EFCAB11: variants seen among roughly 807,000 people sequenced by gnomAD.
The protein encoded by EFCAB11 is EF-hand calcium binding domain 11.
Under a neutral mutation model 23.0 loss-of-function variants are expected in EFCAB11, and 14 were observed. That is an observed-to-expected ratio of 0.61 (90% CI 0.40 to 0.95). The LOEUF is 0.95. Among genes scored for constraint, EFCAB11 ranks in the 40% least tolerant of loss-of-function variants. EFCAB11 has a pLI of 0.00. For synonymous variants in EFCAB11, 65 were observed against 66.6 expected (o/e 0.98, Z 0.11); for missense variants, 198 against 195.8 (o/e 1.01, Z -0.07).
At chr14:89,799,885 C>T (rs1006412282) in intron 5 of EFCAB11, among the ~76,000 whole-genome samples, 3 of 152,048 alleles carry the variant, frequency 2.0e-5, no homozygotes, top group Non-Finnish European at 4.4e-5. Flanking sequence ...ATTGTTTTAC[C>T]GAGTCTAAAA....
intron 5 of EFCAB11, among the ~76,000 whole-genome samples, chr14:89,798,502 T>C (rs1885651882): frequency 6.6e-6 from 1 of 152,258 alleles, no homozygotes; most frequent in Non-Finnish European, 1.5e-5. Flanking sequence ...TTTTATTAAA[T>C]TAGATAATTG....
chr14:89,827,585 T>A (rs1048755095), intron 5 of EFCAB11, among the ~76,000 whole-genome samples: 1 of 151,422 alleles, frequency 6.6e-6, no homozygotes, highest in African/African-American at 2.4e-5. Context: ...CAACATGCAC[T>A]GCTTTTTCCA....
At chr14:89,925,095 G>A (rs543272987) in intron 5 of EFCAB11, among the ~76,000 whole-genome samples, 65 of 152,234 alleles carry the variant, frequency 4.3e-4, no homozygotes, top group Non-Finnish European at 8.4e-4. Flanking sequence ...TGCAGAGAAA[G>A]AAAGGCTTTA....
chr14:89,863,352 C>A (rs934099776), intron 5 of EFCAB11, among the ~76,000 whole-genome samples: 8 of 152,198 alleles, frequency 5.3e-5, no homozygotes, highest in Admixed American at 2.0e-4. Context: ...TGGAATTAAG[C>A]AGCATACTCC....
intron 3 of EFCAB11, among the ~76,000 whole-genome samples, chr14:89,948,881 CAA>C (rs371225329): frequency 4.4e-5 from 5 of 113,028 alleles, no homozygotes; most frequent in African/African-American, 1.5e-4. Context: ...TTAATGGATA[CAA>C]AAAAAAAAAA....
In EFCAB11 at chr14:89,873,169, T is replaced by G. The variant is rs1335156131; in HGVS notation, c.410+58372A>C. Among the ~76,000 whole-genome samples the G allele has an allele frequency of 2.0e-5, 3 of 151,964 alleles. No individual in the cohort carries two copies. In the East Asian group the frequency reaches 5.8e-4, roughly 29 times the overall value. On this transcript the variant is annotated intron_variant, in intron 5 of 5. Transcript: ENST00000316738. ...GAGGCCTCGTAATCATGGTGGAAGG[T>G]GAAGGAGGAGCAAGGCACATCTTAC...
chr14:89,817,224 A>G (rs908338695), intron 5 of EFCAB11, among the ~76,000 whole-genome samples: 2 of 152,152 alleles, frequency 1.3e-5, no homozygotes, highest in African/African-American at 2.4e-5. Flanking sequence ...AAAGCAACCC[A>G]CATTAAAAGA....
At chr14:89,890,015 T>C (rs1888912152) in intron 5 of EFCAB11, among the ~76,000 whole-genome samples, 1 of 152,242 alleles carries the variant, frequency 6.6e-6, no homozygotes, top group Admixed American at 6.5e-5. Context: ...AAATCTAGCG[T>C]TGGCCCTTGG....
At chr14:89,806,153 T>A (rs536657466) in intron 5 of EFCAB11, among the ~76,000 whole-genome samples, 3 of 152,308 alleles carry the variant, frequency 2.0e-5, no homozygotes, top group African/African-American at 7.2e-5. Context: ...GGATGTAAAA[T>A]ACAGTCACAG....
chr14:89,932,489 A>G (rs113407736), intron 4 of EFCAB11, 37 bp downstream of exon 4: 7 of 1,540,498 alleles, frequency 4.5e-6, no homozygotes, highest in African/African-American at 4.3e-5. Flanking sequence ...CCTTAAAAGT[A>G]ATTTTTTTTA....
chr14:89,890,053 TAATC>T (rs1228288043), intron 5 of EFCAB11, among the ~76,000 whole-genome samples: 1 of 152,246 alleles, frequency 6.6e-6, no homozygotes, highest in Non-Finnish European at 1.5e-5. Flanking sequence ...TGGACACAGT[TAATC>T]AATTATTTTG....
At chr14:89,891,895 T>A (rs1888979525) in intron 5 of EFCAB11, among the ~76,000 whole-genome samples, 1 of 151,918 alleles carries the variant, frequency 6.6e-6, no homozygotes, top group Non-Finnish European at 1.5e-5. Context: ...CGGGCGCGCC[T>A]GGCGCCCCAC....
intron 3 of EFCAB11, among the ~76,000 whole-genome samples, chr14:89,936,015 G>GT (rs1555377516): frequency 9.9e-4 from 140 of 140,768 alleles, no homozygotes; most frequent in African/African-American, 3.5e-3. Context: ...CTCAAAAAAA[G>GT]AAAAAAAAAA....
rs151114307 is a variant in EFCAB11 at position 89,802,790 on chromosome 14, G to T, written c.411-5466C>A. On this transcript the variant is annotated intron_variant, in intron 5 of 5. Transcript: ENST00000316738. ...TGTCTTATGAAGATGGTAGGGTTTT[G>T]GGTAATTCTGTCTTAAGATATTCCT... is the stretch of plus-strand genomic sequence containing the variant. Among the ~76,000 whole-genome samples the T allele has an allele frequency of 2.9e-3, 442 of 152,296 alleles. 1 individual carries two copies. The highest frequency in any genetic ancestry group is 9.9e-3 in the African/African-American group (412 of 41,540).
At chr14:89,837,403 C>T (rs1887121130) in intron 5 of EFCAB11, among the ~76,000 whole-genome samples, 1 of 152,096 alleles carries the variant, frequency 6.6e-6, no homozygotes, top group Non-Finnish European at 1.5e-5. Context: ...CTACTTTCCT[C>T]CAGATACAGC....
rs148830406 is a variant in EFCAB11, at chr14:89,874,396, G to T, written c.410+57145C>A. ...GACGTGCCCTGAAAACATTTTTCCC[G>T]TTGTCTTGGTGATTAACATTTGGCT... On this transcript the variant is annotated intron_variant, in intron 5 of 5. Coordinates refer to ENST00000316738, the MANE Select transcript of EFCAB11 (RefSeq NM_145231.4). 3.3e-5 allele frequency among the ~76,000 whole-genome samples: 5 copies of T among 152,142 alleles called. No individual in the cohort carries two copies. In the East Asian group the frequency reaches 9.6e-4, roughly 29 times the overall value.
Position 89,932,620 on chromosome 14 carries a change from T to A in EFCAB11, c.225A>T (p.Leu75Phe). ...TGACAATATTTAAAAACCCCTCGAG[T>A]AATATACCTAAAAGTTGGGGAAAAA... Reference protein sequence around the residue: ...SSINPNTSGILLEGFLNIVRK... With the variant: ...SSINPNTSGIFLEGFLNIVRK... Residue 75 changes from leucine (L) to phenylalanine (F), a missense_variant, in exon 4 of 6, where the codon TTA (leucine) becomes TTT (phenylalanine). Coordinates refer to ENST00000316738, the MANE Select transcript of EFCAB11 (RefSeq NM_145231.4). 4 of 1,601,242 alleles carry A rather than the reference T, an allele frequency of 2.5e-6. No homozygotes were observed. Among genetic ancestry groups the A allele is most frequent in the Non-Finnish European group, 3.4e-6 (4 of 1,169,072 alleles).
At chr14:89,947,289 T>C (rs1481145742) in intron 3 of EFCAB11, among the ~76,000 whole-genome samples, 1 of 152,158 alleles carries the variant, frequency 6.6e-6, no homozygotes, top group Non-Finnish European at 1.5e-5. Context: ...CTGGATCCTA[T>C]CCCCTTACAC....
intron 3 of EFCAB11, among the ~76,000 whole-genome samples, chr14:89,936,601 A>C (rs1012406451): frequency 2.6e-5 from 4 of 152,192 alleles, no homozygotes; most frequent in Non-Finnish European, 5.9e-5. Context: ...TTGTGTGAAC[A>C]TATCCCCTCC....
Sources: allele counts gnomAD v4.1 joint callset (sites outside exome capture counted in the v4.1 genomes callset), GRCh38; gene constraint gnomAD v4.1.1; transcripts MANE v1.5; gene names NCBI Gene and HGNC (gene_info 2026-07-23, HGNC 2026-07-21).